Variants in C10orf143 observed in about 807,000 individuals in gnomAD.
C10orf143 encodes uncharacterized protein C10orf143.
intron 1 of C10orf143, among the ~76,000 whole-genome samples, chr10:130,110,163 A>G (rs1025312962): frequency 6.6e-6 from 1 of 152,046 alleles, no homozygotes; most frequent in African/African-American, 2.4e-5. Context: ...AAGTCTCCCC[A>G]TTACCATCTC....
At chr10:130,088,380 A>AT (rs1382742771) in intron 1 of C10orf143, among the ~76,000 whole-genome samples, 10 of 152,202 alleles carry the variant, frequency 6.6e-5, no homozygotes, top group Admixed American at 6.5e-4. Context: ...GCGAAACTCC[A>AT]TTTCAAAAAA....
intron 1 of C10orf143, chr10:130,106,841 ACT>A (rs761874070): frequency 1.7e-6 from 2 of 1,156,776 alleles, no homozygotes; most frequent in Non-Finnish European, 2.6e-6. Context: ...TCACATCAAG[ACT>A]CTGACTGAAC....
At chr10:130,074,392 T>C (rs939197816) in intron 3 of C10orf143, among the ~76,000 whole-genome samples, 1 of 152,218 alleles carries the variant, frequency 6.6e-6, no homozygotes, top group African/African-American at 2.4e-5. Context: ...GATCCCTCCA[T>C]GATTGTGTTT....
chr10:130,082,227 G>T (rs1322357828), intron 1 of C10orf143, among the ~76,000 whole-genome samples: 1 of 151,566 alleles, frequency 6.6e-6, no homozygotes, highest in African/African-American at 2.4e-5. Context: ...GACCAGGCTG[G>T]TCTCACACTC....
intron 4 of C10orf143, among the ~76,000 whole-genome samples, chr10:130,035,240 G>A (rs1412453517): frequency 6.7e-6 from 1 of 148,556 alleles, no homozygotes; most frequent in Non-Finnish European, 1.5e-5. Context: ...GCTTGCTGAT[G>A]CTTGCCTTCT....
At position 130,107,264 on chromosome 10, in the gene C10orf143, G is replaced by C. The variant is rs1861666978; in HGVS notation, c.69+3440C>G. On this transcript the variant is annotated intron_variant, in intron 1 of 3. Transcript: ENST00000637128. ...AACAGTAGAGGAAAATAGCCGGTTA[G>C]AGAAAGAAGAGAAACTTTCTAAGGT... 6 of 1,180,320 alleles carry C rather than the reference G, an allele frequency of 5.1e-6. No individual in the cohort carries two copies. In the South Asian group the frequency reaches 7.3e-5, roughly 14 times the overall value. 73.1% of individuals were successfully genotyped at this position (1,180,320 alleles called of 1,614,324 possible).
chr10:130,050,847 T>C (rs1160383758), intron 3 of C10orf143, among the ~76,000 whole-genome samples: 1 of 152,240 alleles, frequency 6.6e-6, no homozygotes, highest in East Asian at 1.9e-4. Flanking sequence ...CAGTTCCTGC[T>C]GGAGCACTGA....
chr10:130,074,999 C>T (rs1398619837), intron 3 of C10orf143, among the ~76,000 whole-genome samples: 1 of 151,776 alleles, frequency 6.6e-6, no homozygotes, highest in Admixed American at 6.6e-5. Context: ...ATACCACACA[C>T]ACAAATGTTG....
At chr10:130,038,422 C>T (rs1290166307) in intron 3 of C10orf143, among the ~76,000 whole-genome samples, 1 of 152,140 alleles carries the variant, frequency 6.6e-6, no homozygotes, top group Non-Finnish European at 1.5e-5. Context: ...TTCATCTCAT[C>T]CAGGAGCATC....
chr10:130,108,307 G>T, intron 1 of C10orf143: 1 of 1,562,382 alleles, frequency 6.4e-7, no homozygotes, highest in Non-Finnish European at 8.8e-7. Flanking sequence ...TCTATCCACC[G>T]AGGGGTTTTC....
chr10:130,097,230 T>G (rs1209581103), intron 1 of C10orf143, among the ~76,000 whole-genome samples: 1 of 152,124 alleles, frequency 6.6e-6, no homozygotes, highest in Non-Finnish European at 1.5e-5. Context: ...GAAAGGTCAG[T>G]AAGTATATGA....
At chr10:130,080,502 C>T (rs1219901607) in intron 1 of C10orf143, among the ~76,000 whole-genome samples, 1 of 152,190 alleles carries the variant, frequency 6.6e-6, no homozygotes, top group Non-Finnish European at 1.5e-5. Flanking sequence ...AGTCCCAAGA[C>T]TTTGTGTATT....
chr10:130,070,248 C>G (rs1015801848), intron 3 of C10orf143, among the ~76,000 whole-genome samples: 1 of 152,160 alleles, frequency 6.6e-6, no homozygotes, highest in South Asian at 2.1e-4. Context: ...TGATTCTGTT[C>G]TCTGTTCTTG....
chr10:130,106,388 G>A (rs1473066888), intron 1 of C10orf143: 3 of 1,602,648 alleles, frequency 1.9e-6, no homozygotes, highest in South Asian at 2.2e-5. Context: ...GTTAGAGGAT[G>A]CCAGCTTTGA....
In C10orf143 at chr10:130,086,202, A is replaced by G. The variant is rs542205465; in HGVS notation, c.70-6301T>C. On this transcript the variant is annotated intron_variant, in intron 1 of 3. Transcript: ENST00000637128. Reference sequence around the variant, plus strand: ...CACTAGGTCAACAGCCCCAGCAACCACATCACACACAGGTCCATGCGAGCT... The same window carrying G: ...CACTAGGTCAACAGCCCCAGCAACCGCATCACACACAGGTCCATGCGAGCT... 7.2e-4 allele frequency among the ~76,000 whole-genome samples: 110 copies of G among 152,286 alleles called. 1 individual carries two copies. In the South Asian group the frequency reaches 0.021, roughly 30 times the overall value.
intron 1 of C10orf143, among the ~76,000 whole-genome samples, chr10:130,101,644 A>G (rs897632614): frequency 6.6e-6 from 1 of 151,672 alleles, no homozygotes; most frequent in East Asian, 1.9e-4. Context: ...AGGCGGGCGC[A>G]TCATGAGGTC....
chr10:130,081,923 A>T (rs557500746), intron 1 of C10orf143, among the ~76,000 whole-genome samples: 2 of 150,132 alleles, frequency 1.3e-5, no homozygotes, highest in Non-Finnish European at 1.5e-5. Flanking sequence ...TTATAGAGTT[A>T]TACTAGTTGA....
intron 3 of C10orf143, chr10:130,066,025 T>C (rs1003086308): frequency 2.0e-5 from 3 of 152,132 alleles, no homozygotes; most frequent in African/African-American, 7.2e-5. Flanking sequence ...AACACAATGA[T>C]TTCTTTTTTA....
At chr10:130,099,100 G>A (rs643369) in intron 1 of C10orf143, among the ~76,000 whole-genome samples, 9,099 of 47,934 alleles carry the variant, frequency 0.19, 666 homozygotes, top group East Asian at 0.32. Flanking sequence ...AAAAAAAAAA[G>A]AAAAAAGAAA....
Sources: gnomAD v4.1 joint callset for allele counts (sites outside exome capture counted in the v4.1 genomes callset) on GRCh38, gnomAD v4.1.1 for gene constraint, MANE v1.5 for transcripts, NCBI Gene and HGNC (gene_info 2026-07-23, HGNC 2026-07-21) for gene names.